The following FAM107B variants were observed in gnomAD, a reference collection of about 807,000 sequenced individuals.
The protein encoded by FAM107B is protein FAM107B.
A neutral mutation model predicts 31.5 loss-of-function variants in FAM107B; 21 were observed. The observed-to-expected ratio is 0.67, with a 90% CI of 0.47 to 0.96. FAM107B has a LOEUF of 0.96. FAM107B is among the 40% of genes least tolerant of loss of function. The pLI, the probability that FAM107B is intolerant of heterozygous loss-of-function variation, is 0.00. For synonymous variants in FAM107B, 157 were observed against 141.5 expected, an observed-to-expected ratio of 1.11 and a Z score of -0.78; for missense variants, 452 against 377.1, an observed-to-expected ratio of 1.20 and a Z score of -1.64.
chr10:14,716,196 C>T (rs755914483), intron 1 of FAM107B, among the ~76,000 whole-genome samples: 3 of 152,200 alleles, frequency 2.0e-5, no homozygotes, highest in African/African-American at 2.4e-5. Context: ...AATATATTGG[C>T]TTAAAACAAC....
intron 3 of FAM107B, among the ~76,000 whole-genome samples, chr10:14,527,592 A>C (rs1846430215): frequency 6.6e-6 from 1 of 152,264 alleles, no homozygotes; most frequent in African/African-American, 2.4e-5. Context: ...ATGATTCCTT[A>C]AACCAGTCAC....
At chr10:14,597,340 T>TC (rs1852220311) in intron 2 of FAM107B, among the ~76,000 whole-genome samples, 1 of 145,034 alleles carries the variant, frequency 6.9e-6, no homozygotes, top group Non-Finnish European at 1.5e-5. Flanking sequence ...AAAACTTGGA[T>TC]AAAGCGTGAG....
chr10:14,530,504 C>G lies in FAM107B; in HGVS notation c.481G>C (p.Glu161Gln). The change falls in exon 3 of 5, where the codon GAG becomes CAG. Residue 161 changes from glutamate (E) to glutamine (Q), a missense_variant. Glu to Gln is a conservative substitution (Grantham distance 29, BLOSUM62 2). Coordinates refer to ENST00000181796, the MANE Select transcript of FAM107B (RefSeq NM_031453.4). ...EQKMTSDSPP[E>Q]DIDHKDSYLI... ...TATGAGTCCTTATGGTCAATATCCT[C>G]AGGTGGGCTGTCTGAAAGAGAAAGA... The G allele has an allele frequency of 6.2e-7, 1 of 1,612,104 alleles. No homozygotes were observed. Among genetic ancestry groups the G allele is most frequent in the Non-Finnish European group, 8.5e-7 (1 of 1,179,658 alleles).
chr10:14,728,213 T>C (rs971018377), intron 1 of FAM107B, among the ~76,000 whole-genome samples: 1 of 152,170 alleles, frequency 6.6e-6, no homozygotes. Flanking sequence ...ACTTGCATCA[T>C]TTTTTTAGTC....
intron 2 of FAM107B, among the ~76,000 whole-genome samples, chr10:14,638,928 C>G (rs545223889): frequency 6.6e-6 from 1 of 152,272 alleles, no homozygotes; most frequent in East Asian, 1.9e-4. Flanking sequence ...CGGTGGCTCA[C>G]ACCTGTAATC....
At chr10:14,545,889 CAA>C (rs1403212921) in intron 2 of FAM107B, among the ~76,000 whole-genome samples, 1 of 152,134 alleles carries the variant, frequency 6.6e-6, no homozygotes, top group Non-Finnish European at 1.5e-5. Context: ...CAGGAAACTA[CAA>C]AGAGGATGGA....
chr10:14,592,477 G>C (rs1326094133), intron 2 of FAM107B, among the ~76,000 whole-genome samples: 1 of 152,212 alleles, frequency 6.6e-6, no homozygotes, highest in Non-Finnish European at 1.5e-5. Context: ...GGGAGAAAAA[G>C]AGACAACACC....
intron 2 of FAM107B, among the ~76,000 whole-genome samples, chr10:14,586,514 G>A (rs1851844415): frequency 6.6e-6 from 1 of 152,120 alleles, no homozygotes; most frequent in Non-Finnish European, 1.5e-5. Context: ...TCATAGAAGT[G>A]GAGCCCTCAT....
In FAM107B at chr10:14,521,858, A is replaced by C. The variant is rs199831281; in HGVS notation, c.804+11T>G. On this transcript the variant is annotated intron_variant, in intron 4 of 4. Transcript: ENST00000181796. Reference sequence around the variant, plus strand: ...AACAAAAAAAGACAGCTTCCAGCCAATCCCCCTTACCTGCTCCAACTTCTG... The same window carrying C: ...AACAAAAAAAGACAGCTTCCAGCCACTCCCCCTTACCTGCTCCAACTTCTG... 12 of 1,608,332 alleles carry C rather than the reference A, an allele frequency of 7.5e-6. No homozygotes were observed. The East Asian group carries it at 2.5e-4, about 33-fold the overall frequency.
chr10:14,721,303 C>T (rs1431309555), intron 1 of FAM107B, among the ~76,000 whole-genome samples: 1 of 152,168 alleles, frequency 6.6e-6, no homozygotes, highest in African/African-American at 2.4e-5. Flanking sequence ...CCGCTATAAA[C>T]ATACGTTTGC....
intron 2 of FAM107B, among the ~76,000 whole-genome samples, chr10:14,558,671 G>A (rs528512383): frequency 1.1e-4 from 17 of 152,234 alleles, no homozygotes; most frequent in African/African-American, 4.1e-4. Flanking sequence ...GGTGAACGCA[G>A]GAAGGACTGG....
At chr10:14,762,870 G>T (rs930421038) in intron 1 of FAM107B, among the ~76,000 whole-genome samples, 14 of 151,664 alleles carry the variant, frequency 9.2e-5, no homozygotes, top group Admixed American at 5.9e-4. Flanking sequence ...AACCTCATTT[G>T]GTCCTTTACC....
At chr10:14,548,510 C>T (rs117169551) in intron 2 of FAM107B, 18,056 of 985,464 alleles carry the variant, frequency 0.018, 190 homozygotes, top group Non-Finnish European at 0.02. Flanking sequence ...TGGCCCAGGG[C>T]TGCTTCATCG....
rs1166935792 is a variant in FAM107B, at chr10:14,521,008, G to T, written c.*182C>A. ...GGCACTGCCCTTCATTTGGCGAATA[G>T]GAACTGCAACTGTCACAGGCAAGGC... On this transcript the variant is annotated 3_prime_UTR_variant, in exon 5 of 5. Transcript: ENST00000181796. 3.6e-6 allele frequency: 2 copies of T among 560,236 alleles called. No homozygotes were observed. Among genetic ancestry groups the T allele is most frequent in the Non-Finnish European group, 6.3e-6 (2 of 317,952 alleles). 34.7% of individuals were successfully genotyped at this position (560,236 alleles called of 1,614,324 possible).
chr10:14,680,846 T>C (rs909452614), intron 1 of FAM107B, among the ~76,000 whole-genome samples: 4 of 152,290 alleles, frequency 2.6e-5, no homozygotes, highest in African/African-American at 9.6e-5. Flanking sequence ...TGTCTCCCTT[T>C]GCCCAATCCC....
In FAM107B at chr10:14,521,154, G is replaced by A. The variant is rs1413312104; in HGVS notation, c.*36C>T. 2.6e-6 allele frequency: 4 copies of A among 1,536,372 alleles called. No individual in the cohort carries two copies. The highest frequency in any genetic ancestry group is 3.6e-6 in the Non-Finnish European group (4 of 1,110,968). On this transcript the variant is annotated 3_prime_UTR_variant, in exon 5 of 5. Transcript: ENST00000181796. The stretch of plus-strand genomic sequence containing the variant: ...TGAGAAGGCACCCACAGACAGCTCT[G>A]TGGGGTGACACACGAGGTCTTGGTG...
At position 14,650,681 on chromosome 10, in the gene FAM107B, T is replaced by C. The variant is rs80165988; in HGVS notation, c.469+16953A>G. 5.8e-4 allele frequency among the ~76,000 whole-genome samples: 89 copies of C among 152,358 alleles called. 1 individual carries two copies. In the East Asian group the frequency reaches 0.016, roughly 27 times the overall value. On this transcript the variant is annotated intron_variant, in intron 2 of 4. Coordinates refer to ENST00000181796, the MANE Select transcript of FAM107B (RefSeq NM_031453.4). ...TTAGTTCCTCCATTCCATAAAACTATGCATCAGTTGTTGTGTTCTGTACTT... is the reference window on the plus strand; with the variant it reads ...TTAGTTCCTCCATTCCATAAAACTACGCATCAGTTGTTGTGTTCTGTACTT...
At chr10:14,541,492 T>A (rs1346957834) in intron 2 of FAM107B, among the ~76,000 whole-genome samples, 1 of 151,992 alleles carries the variant, frequency 6.6e-6, no homozygotes, top group Non-Finnish European at 1.5e-5. Context: ...AAATCCCTCC[T>A]CCCCAGCCAG....
chr10:14,558,736 G>A (rs1486038332), intron 2 of FAM107B, among the ~76,000 whole-genome samples: 1 of 152,120 alleles, frequency 6.6e-6, no homozygotes, highest in African/African-American at 2.4e-5. Context: ...GTGTGGAGCT[G>A]GAGACCACCT....
Sources: allele counts gnomAD v4.1 joint callset (sites outside exome capture counted in the v4.1 genomes callset), GRCh38; gene constraint gnomAD v4.1.1; transcripts MANE v1.5; gene names NCBI Gene and HGNC (gene_info 2026-07-23, HGNC 2026-07-21).